The following MIA2 variants were observed in gnomAD, a reference collection of about 807,000 sequenced individuals.
The protein encoded by MIA2 is MIA SH3 domain ER export factor 2.
MIA2 carries 127 observed loss-of-function variants against 167.8 expected under a neutral mutation model. The observed-to-expected ratio is 0.76, with a 90% CI of 0.66 to 0.88. The LOEUF (loss-of-function observed/expected upper bound fraction) is 0.88. Ranked by LOEUF, MIA2 falls within the 40% of genes least tolerant of loss-of-function variation. MIA2 has a pLI of 0.00. For missense variants in MIA2, 1,690 were observed against 1,624.7 expected, an observed-to-expected ratio of 1.04 and a Z score of -0.69; for synonymous variants, 552 against 541.9, an observed-to-expected ratio of 1.02 and a Z score of -0.26.
At chr14:39,310,030 G>A (rs1001083030) in intron 18 of MIA2, among the ~76,000 whole-genome samples, 5 of 151,274 alleles carry the variant, frequency 3.3e-5, no homozygotes, top group Non-Finnish European at 7.4e-5. Context: ...TATTACAGTT[G>A]TTCCTTATTA....
intron 1 of MIA2, among the ~76,000 whole-genome samples, chr14:39,235,349 GAAAATGA>G (rs1034093525): frequency 3.3e-5 from 5 of 152,004 alleles, no homozygotes; most frequent in African/African-American, 1.2e-4. Flanking sequence ...TTTGCAACAT[GAAAATGA>G]AAAATGAAAA....
chr14:39,363,050 G>GT (rs2074725164), intron 23 of MIA2, among the ~76,000 whole-genome samples: 1 of 151,970 alleles, frequency 6.6e-6, no homozygotes, highest in Non-Finnish European at 1.5e-5. Context: ...TTGATTTCTA[G>GT]TTTTATTCCA....
intron 23 of MIA2, among the ~76,000 whole-genome samples, chr14:39,375,189 C>T (rs2075022522): frequency 6.6e-6 from 1 of 152,172 alleles, no homozygotes; most frequent in Admixed American, 6.5e-5. Context: ...ATGGACAAAG[C>T]TATTCCTTCA....
At position 39,247,037 on chromosome 14, in the gene MIA2, T is replaced by A. The variant is rs144750088; in HGVS notation, c.463T>A (p.Tyr155Asn). Residue 155 changes from tyrosine to asparagine, a missense_variant, in exon 4 of 29, where the codon TAT (tyrosine) becomes AAT (asparagine). By Grantham distance (143) the Tyr-to-Asn change is moderately radical. Transcript: ENST00000640607. ...AGATAAAGATGAAAAATCTAGTATA[T>A]ATGAAAGTGATTTTCAGATAGAACC... ...EEDKDEKSSIYESDFQIEPGF... is the reference protein window; with the variant it reads ...EEDKDEKSSINESDFQIEPGF... 6.2e-7 allele frequency: 1 copy of A among 1,602,632 alleles called. No homozygotes were observed.
At position 39,274,671 on chromosome 14, in the gene MIA2, C is replaced by T. The variant is rs868455751; in HGVS notation, c.1888-2263C>T. ...AAACTCCTGACCTCAAGTGATCTGC[C>T]CACCTTGGCCTCCCAAAGTGCTGGG... On this transcript the variant is annotated intron_variant, in intron 6 of 28. Coordinates refer to ENST00000640607, the MANE Select transcript of MIA2 (RefSeq NM_001329214.4). Among the ~76,000 whole-genome samples, 4 of 151,244 alleles carry T rather than the reference C, an allele frequency of 2.6e-5. No homozygotes were observed. The South Asian group carries it at 8.4e-4, about 32-fold the overall frequency.
chr14:39,294,088 T>C lies in MIA2; in HGVS notation c.2391+17T>C. The stretch of plus-strand genomic sequence containing the variant: ...GTAGCTGAAGTAAGTTGAATTAGTC[T>C]AGTAGGTCTGTTGCTTTTGGAAATA... On this transcript the variant is annotated intron_variant, in intron 12 of 28. Coordinates refer to ENST00000640607, the MANE Select transcript of MIA2 (RefSeq NM_001329214.4). 2 of 1,546,062 alleles carry C rather than the reference T, an allele frequency of 1.3e-6. No homozygotes were observed. The highest frequency in any genetic ancestry group is 1.8e-6 in the Non-Finnish European group (2 of 1,129,082).
At chr14:39,304,419 A>T in intron 17 of MIA2, 38 bp downstream of exon 17, 1 of 1,105,400 alleles carries the variant, frequency 9.0e-7, no homozygotes, top group Non-Finnish European at 1.3e-6. Context: ...TGTTTTTCTA[A>T]GTAAGTACAT....
rs554677567 is a variant in MIA2, at chr14:39,314,808, A to ATGTGTGTGTGTGTGTGTGTG, written c.3180+10_3180+11insGTGTGTGTGTGTGTGTGTGT. 49 of 1,099,588 alleles carry ATGTGTGTGTGTGTGTGTGTG rather than the reference A, an allele frequency of 4.5e-5. 1 individual carries two copies. The highest frequency in any genetic ancestry group is 1.1e-4 in the Admixed American group (5 of 45,596). 68.1% of individuals were successfully genotyped at this position (1,099,588 alleles called of 1,614,324 possible). On this transcript the variant is annotated intron_variant, in intron 20 of 28. Coordinates refer to ENST00000640607, the MANE Select transcript of MIA2 (RefSeq NM_001329214.4). ...ATTCTTATCAAGGGCAGGTATATAT[A>ATGTGTGTGTGTGTGTGTGTG]TATGTGTGTGTGTGTGTGTGTGTGT... is the stretch of plus-strand genomic sequence containing the variant.
At chr14:39,276,740 C>T (rs1321965389) in intron 6 of MIA2, 194 bp from the exon 7 acceptor site, 11 of 530,842 alleles carry the variant, frequency 2.1e-5, no homozygotes, top group Admixed American at 3.3e-5. Flanking sequence ...AAGATAATTG[C>T]ATTTCACCAT....
chr14:39,297,194 A>G (rs1481355523), intron 13 of MIA2, among the ~76,000 whole-genome samples: 3 of 151,786 alleles, frequency 2.0e-5, no homozygotes, highest in Non-Finnish European at 4.4e-5. Context: ...CCCGGGTTCA[A>G]GTGATTCTCC....
intron 6 of MIA2, among the ~76,000 whole-genome samples, chr14:39,254,336 T>A (rs982604066): frequency 6.6e-6 from 1 of 151,922 alleles, no homozygotes; most frequent in African/African-American, 2.4e-5. Flanking sequence ...TACAGAGGGG[T>A]CAAATAATAG....
intron 9 of MIA2, among the ~76,000 whole-genome samples, chr14:39,285,943 C>T (rs539164554): frequency 1.2e-3 from 173 of 147,742 alleles, no homozygotes; most frequent in African/African-American, 3.6e-3. Context: ...CGGGAAGAGG[C>T]GCTCCTCACT....
chr14:39,284,897 G>T (rs201156491), intron 9 of MIA2, among the ~76,000 whole-genome samples: 116 of 150,652 alleles, frequency 7.7e-4, no homozygotes, highest in Admixed American at 1.1e-3. Context: ...GGACCCTGCG[G>T]TCTTCCGCAG....
Position 39,248,015 on chromosome 14 carries a change from T to C in MIA2, c.1441T>C (p.Phe481Leu). 6.4e-7 allele frequency: 1 copy of C among 1,574,452 alleles called. No homozygotes were observed. The highest frequency in any genetic ancestry group is 2.3e-5 in the East Asian group (1 of 44,402). ...QNIPKETELP[F>L]PKQILDQNNV... ...CATTCCAAAGGAAACAGAATTGCCATTTCCCAAACAGATACTGGATCAAAA... is the reference window on the plus strand; with the variant it reads ...CATTCCAAAGGAAACAGAATTGCCACTTCCCAAACAGATACTGGATCAAAA... The change falls in exon 4 of 29, where the codon TTT becomes CTT. Residue 481 changes from phenylalanine to leucine, a missense_variant. Phe to Leu is a conservative substitution (Grantham distance 22). Transcript: ENST00000640607.
chr14:39,273,157 T>C (rs962173934), intron 6 of MIA2, among the ~76,000 whole-genome samples: 1 of 152,088 alleles, frequency 6.6e-6, no homozygotes, highest in Non-Finnish European at 1.5e-5. Flanking sequence ...TCCTAATTGC[T>C]CTGGCTAGAA....
At chr14:39,307,968 G>A (rs2063630069) in intron 17 of MIA2, among the ~76,000 whole-genome samples, 1 of 152,076 alleles carries the variant, frequency 6.6e-6, no homozygotes, top group Admixed American at 6.6e-5. Flanking sequence ...TTAGGGAGAG[G>A]TTAGTTAGCA....
intron 23 of MIA2, among the ~76,000 whole-genome samples, chr14:39,372,612 T>C (rs1359603952): frequency 6.6e-6 from 1 of 152,176 alleles, no homozygotes; most frequent in African/African-American, 2.4e-5. Context: ...AGAAGAGGAA[T>C]CTAAGAGTAT....
intron 23 of MIA2, among the ~76,000 whole-genome samples, 199 bp downstream of exon 23, chr14:39,319,490 A>G (rs1262070447): frequency 6.6e-6 from 1 of 151,782 alleles, no homozygotes; most frequent in Non-Finnish European, 1.5e-5. Context: ...AATGAAAATT[A>G]CTGTTGCTTT....
chr14:39,357,912 C>T (rs888693382), intron 23 of MIA2, among the ~76,000 whole-genome samples: 8 of 152,132 alleles, frequency 5.3e-5, no homozygotes, highest in East Asian at 3.8e-4. Context: ...AAGATTCTGC[C>T]GAGAGATCAG....
Sources: gnomAD v4.1 joint callset for allele counts (sites outside exome capture counted in the v4.1 genomes callset) on GRCh38, gnomAD v4.1.1 for gene constraint, MANE v1.5 for transcripts, NCBI Gene and HGNC (gene_info 2026-07-23, HGNC 2026-07-21) for gene names.